The following MACROD2 variants were observed in gnomAD, a reference collection of about 807,000 sequenced individuals.
MACROD2 encodes ADP-ribose glycohydrolase MACROD2.
MACROD2 carries 36 observed loss-of-function variants against 70.4 expected under a neutral mutation model. The ratio of observed to expected loss-of-function variants is 0.51; its 90% CI spans 0.39 to 0.68. The LOEUF (loss-of-function observed/expected upper bound fraction) is 0.68. MACROD2 is among the 30% of genes least tolerant of loss of function. The pLI is 0.00. For missense variants in MACROD2, 496 were observed against 538.4 expected, an observed-to-expected ratio of 0.92 and a Z score of 0.78; for synonymous variants, 172 against 178.8, an observed-to-expected ratio of 0.96 and a Z score of 0.30.
intron 15 of MACROD2, among the ~76,000 whole-genome samples, chr20:15,990,440 TTTA>T (rs2066542563): frequency 6.6e-6 from 1 of 152,204 alleles, no homozygotes; most frequent in South Asian, 2.1e-4. Context: ...TCATATATGT[TTTA>T]TTATGATATA....
chr20:14,321,451 G>A (rs923452648), intron 3 of MACROD2, among the ~76,000 whole-genome samples: 2 of 152,122 alleles, frequency 1.3e-5, no homozygotes, highest in African/African-American at 2.4e-5. Flanking sequence ...TGATTGATAA[G>A]CAGGAGTTAT....
chr20:15,535,553 A>T (rs1216887355), intron 8 of MACROD2, among the ~76,000 whole-genome samples: 1 of 152,202 alleles, frequency 6.6e-6, no homozygotes, highest in Non-Finnish European at 1.5e-5. Context: ...AGAATAGGGT[A>T]ATTCCCAGAT....
chr20:15,487,936 G>A (rs918350650), intron 7 of MACROD2, among the ~76,000 whole-genome samples: 4 of 152,174 alleles, frequency 2.6e-5, no homozygotes, highest in Middle Eastern at 3.2e-3. Flanking sequence ...CAGCATGCCT[G>A]CCTCTGGAGA....
Position 15,987,158 on chromosome 20 carries a change from G to T in MACROD2, c.1153G>T (p.Ala385Ser), listed in dbSNP as rs1283413823. 7.5e-6 allele frequency: 12 copies of T among 1,605,110 alleles called. No homozygotes were observed. The highest frequency in any genetic ancestry group is 1.0e-5 in the Non-Finnish European group (12 of 1,176,230). ...EDQEEKEGEK[A>S]PGEDTPRMPG... ...CCAAGAAGAAAAAGAAGGTGAAAAA[G>T]GTAGGACTGCTCTTAAATTAACCCA... is the stretch of plus-strand genomic sequence containing the variant. The change falls in exon 15 of 18, where the codon GCT becomes TCT. Residue 385 changes from alanine (A) to serine (S), a missense_variant and splice_region_variant. By Grantham distance (99) the Ala-to-Ser change is moderately conservative (BLOSUM62 1). Transcript: ENST00000684519.
chr20:14,682,700 T>G (rs1025052007), intron 4 of MACROD2, among the ~76,000 whole-genome samples: 2 of 152,102 alleles, frequency 1.3e-5, no homozygotes, highest in African/African-American at 4.8e-5. Flanking sequence ...CTCCTGTTGA[T>G]GGACATCTGA....
At chr20:15,536,954 G>A (rs1218807748) in intron 8 of MACROD2, among the ~76,000 whole-genome samples, 1 of 152,082 alleles carries the variant, frequency 6.6e-6, no homozygotes, top group Admixed American at 6.6e-5. Flanking sequence ...AGTGCATGCT[G>A]TTCACCCCTT....
At chr20:15,100,148 G>A (rs926346156) in intron 5 of MACROD2, among the ~76,000 whole-genome samples, 11 of 151,642 alleles carry the variant, frequency 7.3e-5, no homozygotes, top group Non-Finnish European at 1.5e-4. Flanking sequence ...TGTTGCCCAG[G>A]TTGGTCTTGA....
intron 5 of MACROD2, among the ~76,000 whole-genome samples, chr20:15,048,704 T>A (rs1408247285): frequency 2.0e-5 from 3 of 152,132 alleles, no homozygotes; most frequent in Admixed American, 6.5e-5. Flanking sequence ...AGCTTAAAAA[T>A]GGTTCTTCAT....
Position 14,385,858 on chromosome 20 carries a change from C to T in MACROD2, c.272-107621C>T, listed in dbSNP as rs181687342. ...TTTTATATTCATGCTCAGATAACAA[C>T]TGCATATTACAAATGACTTGTAAAG... On this transcript the variant is annotated intron_variant, in intron 3 of 17. Transcript: ENST00000684519. Among the ~76,000 whole-genome samples the T allele has an allele frequency of 2.5e-4, 38 of 152,326 alleles. No individual in the cohort carries two copies. The East Asian group carries it at 6.5e-3, about 26-fold the overall frequency.
intron 3 of MACROD2, among the ~76,000 whole-genome samples, chr20:14,156,893 G>A (rs1056375926): frequency 1.3e-5 from 2 of 152,104 alleles, no homozygotes; most frequent in African/African-American, 4.8e-5. Context: ...TGAGCAGATG[G>A]TTTTCCATCC....
At chr20:14,843,094 C>T (rs373977484) in intron 5 of MACROD2, among the ~76,000 whole-genome samples, 2 of 151,922 alleles carry the variant, frequency 1.3e-5, no homozygotes, top group South Asian at 2.1e-4. Context: ...TTCTACCATC[C>T]CCAACTCTTA....
chr20:15,373,524 C>A (rs1600311532), intron 6 of MACROD2, among the ~76,000 whole-genome samples: 1 of 152,294 alleles, frequency 6.6e-6, no homozygotes, highest in African/African-American at 2.4e-5. Flanking sequence ...CCAGCCTCAG[C>A]TTCCCAAGTA....
At chr20:14,245,593 G>A (rs569019756) in intron 3 of MACROD2, among the ~76,000 whole-genome samples, 88 of 152,250 alleles carry the variant, frequency 5.8e-4, no homozygotes, top group Middle Eastern at 3.4e-3. Flanking sequence ...TCATCCACAA[G>A]TATTGTGAAA....
intron 1 of MACROD2, among the ~76,000 whole-genome samples, chr20:13,996,052 C>T (rs1054724848): frequency 3.3e-5 from 5 of 152,190 alleles, no homozygotes; most frequent in Admixed American, 6.5e-5. Context: ...TCTCTGTTGC[C>T]CTCGGCACCC....
intron 3 of MACROD2, among the ~76,000 whole-genome samples, chr20:14,174,289 T>A (rs1344910113): frequency 1.3e-5 from 2 of 152,080 alleles, no homozygotes. Flanking sequence ...ATCATCAGGT[T>A]GGGGGAGGAT....
At chr20:15,973,920 T>A (rs1006364214) in intron 13 of MACROD2, among the ~76,000 whole-genome samples, 2 of 152,154 alleles carry the variant, frequency 1.3e-5, no homozygotes, top group Admixed American at 1.3e-4. Flanking sequence ...TGTCAGATGA[T>A]ATGGCAAGAT....
rs77468733 is a variant in MACROD2, at chr20:14,670,660, C to T, written c.302-14183C>T. Among the ~76,000 whole-genome samples the T allele has an allele frequency of 5.3e-3, 806 of 152,264 alleles. 16 individuals carry two copies. Among genetic ancestry groups the T allele is most frequent in the African/African-American group, 0.018 (764 of 41,550 alleles). On this transcript the variant is annotated intron_variant, in intron 4 of 17. Transcript: ENST00000684519. ...GGCATCAGGCTTCAAGTTACAGAAACACCATCCACATCCTAGGTAGTGACT... is the reference window on the plus strand; with the variant it reads ...GGCATCAGGCTTCAAGTTACAGAAATACCATCCACATCCTAGGTAGTGACT...
intron 5 of MACROD2, among the ~76,000 whole-genome samples, chr20:15,180,058 C>T (rs926840048): frequency 1.3e-5 from 2 of 152,154 alleles, no homozygotes; most frequent in East Asian, 1.9e-4. Context: ...TGGTTTCTCT[C>T]GCTTTTGTGT....
chr20:15,793,267 G>A (rs1182431313), intron 8 of MACROD2, among the ~76,000 whole-genome samples: 2 of 152,068 alleles, frequency 1.3e-5, no homozygotes, highest in Non-Finnish European at 2.9e-5. Context: ...TTAAAACCCA[G>A]GTCCCCACCG....
Sources: allele counts gnomAD v4.1 joint callset (sites outside exome capture counted in the v4.1 genomes callset), GRCh38; gene constraint gnomAD v4.1.1; transcripts MANE v1.5; gene names NCBI Gene and HGNC (gene_info 2026-07-23, HGNC 2026-07-21).